GRIA2: variants seen among roughly 807,000 people sequenced by gnomAD.
The protein encoded by GRIA2 is glutamate ionotropic receptor AMPA type subunit 2.
In GRIA2, 14 loss-of-function variants were observed where a neutral mutation model predicts 97.3. The ratio of observed to expected loss-of-function variants is 0.14; its 90% CI spans 0.10 to 0.23. The LOEUF (loss-of-function observed/expected upper bound fraction) is 0.23, where lower values mean the gene tolerates loss of function less well. Ranked by LOEUF, GRIA2 falls within the 10% of genes least tolerant of loss-of-function variation. The pLI, the probability that GRIA2 is intolerant of heterozygous loss-of-function variation, is 1.00. For missense variants in GRIA2, 558 were observed against 1,069.8 expected, an observed-to-expected ratio of 0.52 and a Z score of 6.67; for synonymous variants, 412 against 387.8, an observed-to-expected ratio of 1.06 and a Z score of -0.73.
At chr4:157,284,541 A>T (rs988797341) in intron 2 of GRIA2, among the ~76,000 whole-genome samples, 1 of 151,774 alleles carries the variant, frequency 6.6e-6, no homozygotes, top group Non-Finnish European at 1.5e-5. Context: ...GACATAAAAC[A>T]TTACCAATAC....
Position 157,332,878 on chromosome 4 carries a change from A to G in GRIA2, c.942A>G (p.Leu314=). ...VQVMTEAFRN[L]RKQRIEISRR... ...TGATGACTGAAGCCTTCCGCAACCT[A>G]AGGAAGCAAAGAATTGAAATCTCCC... Residue 314 remains leucine (L), a synonymous_variant, in exon 7 of 16, where the codon CTA becomes CTG. Transcript: ENST00000264426. The G allele has an allele frequency of 6.2e-7, 1 of 1,612,398 alleles. No individual in the cohort carries two copies. The highest frequency in any genetic ancestry group is 8.5e-7 in the Non-Finnish European group (1 of 1,178,760).
intron 2 of GRIA2, among the ~76,000 whole-genome samples, chr4:157,261,535 C>A (rs982491900): frequency 6.6e-6 from 1 of 152,062 alleles, no homozygotes; most frequent in Non-Finnish European, 1.5e-5. Flanking sequence ...AATTAAGTAA[C>A]TTGACTAAAC....
intron 2 of GRIA2, among the ~76,000 whole-genome samples, chr4:157,244,227 G>A (rs568639689): frequency 1.3e-5 from 2 of 151,894 alleles, no homozygotes; most frequent in Non-Finnish European, 2.9e-5. Flanking sequence ...CAGAGAGAGG[G>A]AGCAAAAGGG....
At chr4:157,278,889 A>G (rs1039956758) in intron 2 of GRIA2, among the ~76,000 whole-genome samples, 1 of 152,072 alleles carries the variant, frequency 6.6e-6, no homozygotes, top group African/African-American at 2.4e-5. Context: ...TTTCCACATC[A>G]TATTTCCACA....
At chr4:157,251,790 A>T (rs1188411985) in intron 2 of GRIA2, among the ~76,000 whole-genome samples, 1 of 152,100 alleles carries the variant, frequency 6.6e-6, no homozygotes, top group Non-Finnish European at 1.5e-5. Flanking sequence ...TCAGTAGAAA[A>T]TTTGTTCATT....
At chr4:157,276,594 G>A (rs1389031529) in intron 2 of GRIA2, among the ~76,000 whole-genome samples, 2 of 151,510 alleles carry the variant, frequency 1.3e-5, no homozygotes, top group African/African-American at 4.8e-5. Context: ...AAACCAAAAG[G>A]TGTTTTTTTA....
rs376222087 is a variant in GRIA2, at chr4:157,253,328, G to T, written c.229+31521G>T. 7.2e-5 allele frequency among the ~76,000 whole-genome samples: 11 copies of T among 151,878 alleles called. No homozygotes were observed. The South Asian group carries it at 2.3e-3, about 32-fold the overall frequency. Reference sequence around the variant, plus strand: ...GACAGGGTTTTGCCACGTTGCCAAGGCTAATCTCGAATTCCTGAGCTCAAG... The same window carrying T: ...GACAGGGTTTTGCCACGTTGCCAAGTCTAATCTCGAATTCCTGAGCTCAAG... On this transcript the variant is annotated intron_variant, in intron 2 of 15. Coordinates refer to ENST00000264426, the MANE Select transcript of GRIA2 (RefSeq NM_001083619.3).
At chr4:157,223,628 A>G (rs1729609595) in intron 2 of GRIA2, among the ~76,000 whole-genome samples, 1 of 152,184 alleles carries the variant, frequency 6.6e-6, no homozygotes, top group Non-Finnish European at 1.5e-5. Flanking sequence ...CTGAGTATCT[A>G]ACTGTGTGTA....
In GRIA2 at chr4:157,220,755, C is replaced by G; in HGVS notation, c.-288C>G. 4.1e-6 allele frequency: 2 copies of G among 489,942 alleles called. No individual in the cohort carries two copies. The highest frequency in any genetic ancestry group is 6.8e-5 in the Admixed American group (2 of 29,532). The allele number at this position is 489,942 out of a possible 1,614,324, so 30.3% of individuals were successfully genotyped here. On this transcript the variant is annotated 5_prime_UTR_variant, in exon 1 of 16. Transcript: ENST00000264426. ...GTGTGTGTGAGTGCATGGGAGGGTG[C>G]TGAATATTCCGAGACACTGGGACCA...
chr4:157,274,152 C>G (rs1732167604), intron 2 of GRIA2, among the ~76,000 whole-genome samples: 2 of 151,842 alleles, frequency 1.3e-5, no homozygotes, highest in African/African-American at 4.8e-5. Context: ...AGAGGAAATA[C>G]ATATTTTCCC....
At chr4:157,315,457 A>T (rs1044514917) in intron 4 of GRIA2, among the ~76,000 whole-genome samples, 1 of 151,164 alleles carries the variant, frequency 6.6e-6, no homozygotes, top group Non-Finnish European at 1.5e-5. Flanking sequence ...AGCACTCCTT[A>T]TTGCAACAGT....
At chr4:157,355,815 TTA>T (rs1423467194) in intron 12 of GRIA2, among the ~76,000 whole-genome samples, 13 of 82,356 alleles carry the variant, frequency 1.6e-4, no homozygotes, top group African/African-American at 5.5e-4. Context: ...TATATATTAG[TTA>T]TATATATTTA....
chr4:157,346,668 CTGAATG>C (rs1735778439), intron 12 of GRIA2, among the ~76,000 whole-genome samples: 1 of 151,974 alleles, frequency 6.6e-6, no homozygotes, highest in South Asian at 2.1e-4. Flanking sequence ...TAAATAAATG[CTGAATG>C]TGAATAAATA....
At chr4:157,299,018 A>AAGGC (rs1481952349) in intron 2 of GRIA2, among the ~76,000 whole-genome samples, 1 of 152,196 alleles carries the variant, frequency 6.6e-6, no homozygotes, top group East Asian at 1.9e-4. Context: ...GGAAGAAGAT[A>AAGGC]AGGCAGTGAA....
intron 2 of GRIA2, among the ~76,000 whole-genome samples, chr4:157,270,203 T>G (rs1201437850): frequency 1.3e-5 from 2 of 152,160 alleles, no homozygotes; most frequent in African/African-American, 2.4e-5. Context: ...AGACTTCAAG[T>G]GCTTCCATTC....
chr4:157,281,879 G>A (rs1732615153), intron 2 of GRIA2, among the ~76,000 whole-genome samples: 1 of 151,930 alleles, frequency 6.6e-6, no homozygotes, highest in Non-Finnish European at 1.5e-5. Flanking sequence ...AATTGAACAG[G>A]TCTCTCTTTA....
chr4:157,227,451 GT>G (rs1729800210), intron 2 of GRIA2, among the ~76,000 whole-genome samples: 1 of 152,244 alleles, frequency 6.6e-6, no homozygotes, highest in East Asian at 1.9e-4. Flanking sequence ...GAGAGTATGT[GT>G]TTTTTCTCTC....
intron 2 of GRIA2, among the ~76,000 whole-genome samples, chr4:157,229,351 A>T (rs1322344120): frequency 6.6e-6 from 1 of 152,182 alleles, no homozygotes; most frequent in African/African-American, 2.4e-5. Flanking sequence ...ACACATTATC[A>T]TATTACTGGG....
At chr4:157,314,328 T>A (rs1244679557) in intron 4 of GRIA2, among the ~76,000 whole-genome samples, 2 of 152,184 alleles carry the variant, frequency 1.3e-5, no homozygotes, top group Non-Finnish European at 2.9e-5. Flanking sequence ...AATTGATATA[T>A]AATAATACAG....
Sources: gnomAD v4.1 joint callset for allele counts (sites outside exome capture counted in the v4.1 genomes callset) on GRCh38, gnomAD v4.1.1 for gene constraint, MANE v1.5 for transcripts, NCBI Gene and HGNC (gene_info 2026-07-23, HGNC 2026-07-21) for gene names.